The following DNAH1 variants were observed in gnomAD, a reference collection of about 807,000 sequenced individuals.
The protein encoded by DNAH1 is axonemal beta dynein heavy chain 1.
In DNAH1, 327 loss-of-function variants were observed where a neutral mutation model predicts 484.3. The ratio of observed to expected loss-of-function variants is 0.68; its 90% CI spans 0.62 to 0.74. The LOEUF (loss-of-function observed/expected upper bound fraction) is 0.74. DNAH1 is among the 30% of genes least tolerant of loss of function. DNAH1 has a pLI of 0.00. For synonymous variants in DNAH1, 2,192 were observed against 2,191.9 expected (o/e 1.00, Z 0.00); for missense variants, 5,052 against 5,546.8 (o/e 0.91, Z 2.83).
chr3:52,339,862 C>T (rs1283720498), intron 8 of DNAH1, among the ~76,000 whole-genome samples: 2 of 151,526 alleles, frequency 1.3e-5, no homozygotes, highest in African/African-American at 2.4e-5. Context: ...GATGTGGGTC[C>T]TCCAAGGTTT....
chr3:52,363,726 T>A (rs377625216), intron 32 of DNAH1, among the ~76,000 whole-genome samples: 1 of 152,150 alleles, frequency 6.6e-6, no homozygotes, highest in Non-Finnish European at 1.5e-5. Context: ...CCATCATGAT[T>A]TCAGAAAAAA....
At chr3:52,391,368 G>A (rs767285804) in intron 62 of DNAH1, 40 bp downstream of exon 62, 11 of 1,593,120 alleles carry the variant, frequency 6.9e-6, no homozygotes, top group Middle Eastern at 1.7e-4. Flanking sequence ...CAGTAGGCCT[G>A]GACAGGGCAG....
intron 52 of DNAH1, among the ~76,000 whole-genome samples, chr3:52,384,335 G>T (rs930099109): frequency 1.3e-5 from 2 of 152,200 alleles, no homozygotes; most frequent in African/African-American, 4.8e-5. Context: ...ACAGATGGGG[G>T]TGTAGATTTG....
chr3:52,390,866 A>T, intron 60 of DNAH1, 69 bp from the exon 61 acceptor site: 1 of 1,543,992 alleles, frequency 6.5e-7, no homozygotes, highest in Non-Finnish European at 8.8e-7. Context: ...AGGCCGGGAG[A>T]TGCTGATGCC....
In DNAH1 at chr3:52,386,244, G is replaced by A. The variant is rs376878756; in HGVS notation, c.8710G>A (p.Ala2904Thr). The A allele has an allele frequency of 3.1e-6, 5 of 1,613,468 alleles. No homozygotes were observed. The highest frequency in any genetic ancestry group is 1.3e-5 in the African/African-American group (1 of 75,072). ...KANEKAKKAQ[A>T]IADDAQKDLD... ...CAATGAGAAGGCCAAGAAGGCACAA[G>A]CTATTGCTGACGATGCCCAGAAGGA... is the stretch of plus-strand genomic sequence containing the variant. The change falls in exon 55 of 78, where the codon GCT becomes ACT. Residue 2904 changes from alanine (A) to threonine (T), a missense_variant. By Grantham distance (58) the Ala-to-Thr change is moderately conservative (BLOSUM62 0). Coordinates refer to ENST00000420323, the MANE Select transcript of DNAH1 (RefSeq NM_015512.5).
At chr3:52,357,515 C>T in intron 22 of DNAH1, 99 bp from the exon 23 acceptor site, 2 of 1,456,698 alleles carry the variant, frequency 1.4e-6, no homozygotes, top group Non-Finnish European at 1.8e-6. Context: ...CCAGGCCCCG[C>T]TGAGGGGCTC....
At chr3:52,339,537 C>T (rs1418468338) in intron 8 of DNAH1, among the ~76,000 whole-genome samples, 3 of 152,062 alleles carry the variant, frequency 2.0e-5, no homozygotes, top group African/African-American at 7.2e-5. Context: ...TATTGTGTTA[C>T]AGTTTTCTTC....
At position 52,346,750 on chromosome 3, in the gene DNAH1, C is replaced by G; in HGVS notation, c.1935C>G (p.Asp645Glu). The stretch of plus-strand genomic sequence containing the variant: ...CCGATGACATGGTCTGGGGTGACGA[C>G]TTAATTAACAGCCCCTACAGGTGGG... ...NCTDDMVWGDDLINSPYRPRK... is the reference protein window; with the variant it reads ...NCTDDMVWGDELINSPYRPRK... The change falls in exon 11 of 78, where the codon GAC becomes GAG. Residue 645 changes from aspartate (D) to glutamate (E), a missense_variant. By Grantham distance (45) the Asp-to-Glu change is conservative (BLOSUM62 2). Coordinates refer to ENST00000420323, the MANE Select transcript of DNAH1 (RefSeq NM_015512.5). 6.2e-7 allele frequency: 1 copy of G among 1,606,494 alleles called. No homozygotes were observed. Among genetic ancestry groups the G allele is most frequent in the East Asian group, 2.2e-5 (1 of 44,658 alleles).
intron 70 of DNAH1, 33 bp from the exon 71 acceptor site, chr3:52,396,335 G>T (rs889504141): frequency 1.3e-6 from 2 of 1,550,120 alleles, no homozygotes; most frequent in Non-Finnish European, 8.7e-7. Flanking sequence ...CCAGATATGG[G>T]TCTCAATGCT....
intron 49 of DNAH1, among the ~76,000 whole-genome samples, 133 bp from the exon 50 acceptor site, chr3:52,382,160 TCTGAAGGCAAAAAAGCAGGTTCAGGGC>T (rs1703878214): frequency 6.6e-6 from 1 of 151,996 alleles, no homozygotes; most frequent in African/African-American, 2.4e-5. Context: ...TGGGCAAAGG[TCTGAAGGCAAAAAAGCAGGTTCAGGGC>T]CTGAAGGGTC....
intron 10 of DNAH1, 65 bp downstream of exon 10, chr3:52,345,771 G>A: frequency 6.6e-7 from 1 of 1,515,538 alleles, no homozygotes; most frequent in Non-Finnish European, 9.0e-7. Context: ...GCAGGCACAG[G>A]TCGGGGCTGC....
chr3:52,356,821 G>T (rs1359121138), intron 22 of DNAH1, 43 bp downstream of exon 22: 3 of 1,558,182 alleles, frequency 1.9e-6, no homozygotes, highest in South Asian at 1.2e-5. Context: ...GATCCCCAAG[G>T]GCCCTGGTCA....
Position 52,361,825 on chromosome 3 carries a change from G to A in DNAH1, c.4980+59G>A. ...TCTGCCATACTCACGCCGCCATACT[G>A]CTCCCCATTGCAGGCTGAGAAGCCA... On this transcript the variant is annotated intron_variant, in intron 30 of 77. Coordinates refer to ENST00000420323, the MANE Select transcript of DNAH1 (RefSeq NM_015512.5). The surrounding 1 kb of genome is among the most constrained non-coding windows in gnomAD (Gnocchi z 5.6). The A allele has an allele frequency of 6.6e-7, 1 of 1,511,498 alleles. No homozygotes were observed. 93.6% of individuals were successfully genotyped at this position (1,511,498 alleles called of 1,614,324 possible). A position where few individuals can be genotyped will look rare whatever the true frequency, so the allele number is the denominator to read the frequency against.
chr3:52,318,750 A>G (rs1701040347), intron 1 of DNAH1, among the ~76,000 whole-genome samples: 1 of 151,962 alleles, frequency 6.6e-6, no homozygotes, highest in Admixed American at 6.5e-5. Flanking sequence ...CATCGGGTGA[A>G]TGCTTCAAAA....
Position 52,395,510 on chromosome 3 carries a change from C to A in DNAH1, c.11128-37C>A. On this transcript the variant is annotated intron_variant, in intron 69 of 77. Transcript: ENST00000420323. This position sits in a 1 kb window ranked among gnomAD's most constrained non-coding sequence, Gnocchi z 4.4. ...GGAAGGGAGTGGGCTGGGGGGTGGG[C>A]AAGCTGGCCCCCTGCTCAGTGCTCT... 1 of 1,613,088 alleles carries A rather than the reference C, an allele frequency of 6.2e-7. No homozygotes were observed. Among genetic ancestry groups the A allele is most frequent in the East Asian group, 2.2e-5 (1 of 44,858 alleles).
In DNAH1 at chr3:52,393,505, G is replaced by A. The variant is rs765009245; in HGVS notation, c.10626+20G>A. On this transcript the variant is annotated intron_variant, in intron 66 of 77. Coordinates refer to ENST00000420323, the MANE Select transcript of DNAH1 (RefSeq NM_015512.5). ...AACCAGGTGCTGGCAGAGACACCCA[G>A]GACAGACTGCCTGAGGGGTGGCCCT... The A allele has an allele frequency of 4.5e-5, 72 of 1,612,854 alleles. No homozygotes were observed. Among genetic ancestry groups the A allele is most frequent in the Non-Finnish European group, 5.8e-5 (68 of 1,179,044 alleles).
chr3:52,325,829 C>T (rs544277001), intron 3 of DNAH1, among the ~76,000 whole-genome samples: 3 of 152,330 alleles, frequency 2.0e-5, no homozygotes, highest in African/African-American at 4.8e-5. Context: ...TTGTTGAACT[C>T]AACACCTGGC....
At chr3:52,357,296 T>C (rs1271357626) in intron 22 of DNAH1, among the ~76,000 whole-genome samples, 1 of 152,144 alleles carries the variant, frequency 6.6e-6, no homozygotes, top group Non-Finnish European at 1.5e-5. Flanking sequence ...TCAGGTGATC[T>C]ACCTGCCTCA....
At chr3:52,314,157 C>T (rs1179524724), upstream of DNAH1, among the ~76,000 whole-genome samples, 2 of 152,218 alleles carry the variant, frequency 1.3e-5, no homozygotes, top group Non-Finnish European at 2.9e-5. Flanking sequence ...CAAGATATTA[C>T]TCCAGCTGAC....
Sources: gnomAD v4.1 joint callset for allele counts (sites outside exome capture counted in the v4.1 genomes callset) on GRCh38, gnomAD v4.1.1 for gene constraint, Gnocchi (gnomAD v3.1) non-coding constraint, MANE v1.5 for transcripts, NCBI Gene and HGNC (gene_info 2026-07-23, HGNC 2026-07-21) for gene names.